SPACA7: variants seen among roughly 807,000 people sequenced by gnomAD.
SPACA7 encodes the protein sperm acrosome associated 7.
In SPACA7, 19 loss-of-function variants were observed where a neutral mutation model predicts 26.3. The ratio of observed to expected loss-of-function variants is 0.72; its 90% CI spans 0.50 to 1.06. SPACA7 has a LOEUF of 1.06. SPACA7 is among the 50% of genes least tolerant of loss of function. The probability of loss-of-function intolerance (pLI) is 0.00; values close to 1 mark genes in which losing one functional copy is unlikely to be tolerated. For synonymous variants in SPACA7, 84 were observed against 84.5 expected, an observed-to-expected ratio of 0.99 and a Z score of 0.04; for missense variants, 211 against 229.9, an observed-to-expected ratio of 0.92 and a Z score of 0.53.
At chr13:112,377,025 A>C (rs568256147) in intron 1 of SPACA7, among the ~76,000 whole-genome samples, 1 of 152,298 alleles carries the variant, frequency 6.6e-6, no homozygotes, top group African/African-American at 2.4e-5. Context: ...GCCTTTATTC[A>C]AAGGGGGCTA....
chr13:112,389,760 G>A (rs1392796102), intron 1 of SPACA7, among the ~76,000 whole-genome samples: 3 of 152,180 alleles, frequency 2.0e-5, no homozygotes, highest in Non-Finnish European at 4.4e-5. Flanking sequence ...CGGCAACACA[G>A]TAACACAAAA....
intron 1 of SPACA7, among the ~76,000 whole-genome samples, chr13:112,390,961 C>T (rs1884849706): frequency 6.6e-6 from 1 of 152,192 alleles, no homozygotes; most frequent in Admixed American, 6.5e-5. Context: ...TGGTCTCTCA[C>T]CAGGAAGGAA....
At chr13:112,395,961 G>A (rs1457462108) in intron 2 of SPACA7, among the ~76,000 whole-genome samples, 5 of 151,780 alleles carry the variant, frequency 3.3e-5, no homozygotes, top group East Asian at 1.9e-4. Context: ...AGGGAGGCCC[G>A]TGGAAGGGTC....
intron 1 of SPACA7, among the ~76,000 whole-genome samples, chr13:112,376,838 G>T (rs1441684678): frequency 2.0e-5 from 3 of 151,996 alleles, no homozygotes; most frequent in African/African-American, 7.2e-5. Context: ...TTTCTTGTTT[G>T]GGGAGTATTT....
intron 5 of SPACA7, among the ~76,000 whole-genome samples, chr13:112,420,260 C>G (rs1176464748): frequency 6.6e-6 from 1 of 152,108 alleles, no homozygotes; most frequent in South Asian, 2.1e-4. Context: ...GAACCAGACA[C>G]AGAGATGTCC....
intron 1 of SPACA7, chr13:112,382,538 C>A: frequency 6.5e-7 from 1 of 1,546,880 alleles, no homozygotes; most frequent in Non-Finnish European, 8.7e-7. Context: ...TTGCAACTAT[C>A]TGGGCGACAC....
At chr13:112,430,591 A>G (rs1321540632) in intron 5 of SPACA7, among the ~76,000 whole-genome samples, 1 of 152,210 alleles carries the variant, frequency 6.6e-6, no homozygotes, top group Non-Finnish European at 1.5e-5. Flanking sequence ...CTCTGGAAGG[A>G]AAAGCAAGGA....
chr13:112,429,922 A>G (rs1409982639), intron 5 of SPACA7, among the ~76,000 whole-genome samples: 1 of 152,204 alleles, frequency 6.6e-6, no homozygotes, highest in Non-Finnish European at 1.5e-5. Context: ...ACCAAGCAGC[A>G]TTTATTCTAA....
At chr13:112,434,221 T>C (rs370747900) in intron 6 of SPACA7, among the ~76,000 whole-genome samples, 104 of 152,170 alleles carry the variant, frequency 6.8e-4, no homozygotes, top group African/African-American at 2.1e-3. Context: ...CCGCCAGGCT[T>C]GGAGTTGTCG....
intron 3 of SPACA7, among the ~76,000 whole-genome samples, 184 bp downstream of exon 3, chr13:112,398,322 G>C (rs1332100228): frequency 6.6e-6 from 1 of 151,932 alleles, no homozygotes; most frequent in Non-Finnish European, 1.5e-5. Context: ...CCGAGACAGA[G>C]GAAGTCAACC....
At chr13:112,434,398 G>T (rs1296209803) in intron 6 of SPACA7, 87 bp from the exon 7 acceptor site, 6 of 1,141,952 alleles carry the variant, frequency 5.3e-6, no homozygotes, top group Non-Finnish European at 7.7e-6. Flanking sequence ...GGTTCCTCCT[G>T]TCCCCTGGTG....
rs113437437 is a variant in SPACA7 at position 112,434,558 on chromosome 13, C to T, written c.*9C>T. 23 of 1,598,468 alleles carry T rather than the reference C, an allele frequency of 1.4e-5. No homozygotes were observed. Among genetic ancestry groups the T allele is most frequent in the African/African-American group, 5.4e-5 (4 of 74,560 alleles). ...GCCAAGGCAGTCAGTGAGGCCGCAG[C>T]CCCAGACCCCCTGCGCAGGAGAGGA... On this transcript the variant is annotated 3_prime_UTR_variant, in exon 7 of 7. Coordinates refer to ENST00000283550, the MANE Select transcript of SPACA7 (RefSeq NM_145248.5).
chr13:112,420,132 A>G (rs111422479), intron 5 of SPACA7, among the ~76,000 whole-genome samples: 2 of 152,246 alleles, frequency 1.3e-5, no homozygotes, highest in African/African-American at 4.8e-5. Context: ...ATTTTAAGGC[A>G]TAATACAGTT....
In SPACA7 at chr13:112,377,366, A is replaced by G. The variant is rs561366365; in HGVS notation, c.94+887A>G. On this transcript the variant is annotated intron_variant, in intron 1 of 6. Coordinates refer to ENST00000283550, the MANE Select transcript of SPACA7 (RefSeq NM_145248.5). ...TTTGAAGACCTTTTAAAATCTAGACATCCATGAGAGAGTTGCATATGTTAC... is the reference window on the plus strand; with the variant it reads ...TTTGAAGACCTTTTAAAATCTAGACGTCCATGAGAGAGTTGCATATGTTAC... 2.6e-4 allele frequency among the ~76,000 whole-genome samples: 40 copies of G among 152,330 alleles called. No individual in the cohort carries two copies. The South Asian group carries it at 8.3e-3, about 32-fold the overall frequency.
At chr13:112,434,318 GC>G (rs989214923) in intron 6 of SPACA7, among the ~76,000 whole-genome samples, 166 bp from the exon 7 acceptor site, 6 of 152,120 alleles carry the variant, frequency 3.9e-5, no homozygotes, top group Admixed American at 6.5e-5. Flanking sequence ...CGCAGCCAGT[GC>G]CCCCCTCCCG....
intron 5 of SPACA7, among the ~76,000 whole-genome samples, chr13:112,416,804 T>TTG (rs148795567): frequency 0.11 from 16,102 of 147,972 alleles, 1,559 homozygotes; most frequent in East Asian, 0.27. Flanking sequence ...TGATTATGAG[T>TTG]TGTGTGTGTG....
intron 5 of SPACA7, among the ~76,000 whole-genome samples, chr13:112,430,743 G>A (rs557527855): frequency 3.3e-4 from 50 of 152,242 alleles, no homozygotes; most frequent in Non-Finnish European, 6.0e-4. Flanking sequence ...CCCTATAGTC[G>A]AATGAAACCA....
chr13:112,425,828 C>T (rs1331901507), intron 5 of SPACA7, among the ~76,000 whole-genome samples: 1 of 152,156 alleles, frequency 6.6e-6, no homozygotes, highest in African/African-American at 2.4e-5. Flanking sequence ...CCTCCCCACC[C>T]TCCATGGCAC....
chr13:112,387,442 T>C (rs1884601024), intron 1 of SPACA7, among the ~76,000 whole-genome samples: 1 of 152,192 alleles, frequency 6.6e-6, no homozygotes, highest in African/African-American at 2.4e-5. Context: ...TCTTTCTCCA[T>C]TACAGAACAC....
Sources: allele counts gnomAD v4.1 joint callset (sites outside exome capture counted in the v4.1 genomes callset), GRCh38; gene constraint gnomAD v4.1.1; transcripts MANE v1.5; gene names NCBI Gene and HGNC (gene_info 2026-07-23, HGNC 2026-07-21).